The following BORA variants were observed in gnomAD, a reference collection of about 807,000 sequenced individuals.
BORA encodes the protein BORA aurora kinase A activator.
Under a neutral mutation model 55.8 loss-of-function variants are expected in BORA, and 26 were observed. That is an observed-to-expected ratio of 0.47 (90% CI 0.34 to 0.65). The LOEUF is 0.65. Ranked by LOEUF, BORA falls within the 30% of genes least tolerant of loss-of-function variation. The pLI is 0.01. For missense variants in BORA, 568 were observed against 671.5 expected (o/e 0.85, Z 1.70); for synonymous variants, 201 against 216.9 (o/e 0.93, Z 0.64).
At chr13:72,730,784 G>A (rs749661116) in intron 2 of BORA, among the ~76,000 whole-genome samples, 2 of 151,904 alleles carry the variant, frequency 1.3e-5, no homozygotes, top group African/African-American at 4.8e-5. Context: ...CAGGCTGGGC[G>A]CTGTGGCTCA....
chr13:72,751,591 A>G (rs1404864108), intron 10 of BORA, among the ~76,000 whole-genome samples: 1 of 152,144 alleles, frequency 6.6e-6, no homozygotes, highest in Non-Finnish European at 1.5e-5. Flanking sequence ...GAGGATGGGA[A>G]GGGTAGGGGG....
intron 5 of BORA, 28 bp downstream of exon 5, chr13:72,738,071 A>G (rs1417409550): frequency 6.6e-7 from 1 of 1,517,084 alleles, no homozygotes; most frequent in African/African-American, 1.4e-5. Context: ...GATATGAATA[A>G]AAATCAAAAA....
intron 8 of BORA, among the ~76,000 whole-genome samples, chr13:72,745,688 C>A (rs1481229151): frequency 2.6e-5 from 4 of 152,132 alleles, no homozygotes; most frequent in African/African-American, 9.7e-5. Context: ...AAATTTTTCA[C>A]AGATGGTTGC....
intron 5 of BORA, among the ~76,000 whole-genome samples, chr13:72,742,687 C>A (rs1031221175): frequency 6.6e-6 from 1 of 151,668 alleles, no homozygotes; most frequent in Non-Finnish European, 1.5e-5. Flanking sequence ...CATCGTTAAT[C>A]ACAACAGCCA....
chr13:72,734,857 A>T (rs1036333040), intron 3 of BORA, 103 bp from the exon 4 acceptor site: 1 of 783,716 alleles, frequency 1.3e-6, no homozygotes, highest in Admixed American at 3.0e-5. Flanking sequence ...AACATTTGCC[A>T]GTTTTCAATG....
At position 72,731,381 on chromosome 13, in the gene BORA, A is replaced by G. The variant is rs746733387; in HGVS notation, c.254A>G (p.His85Arg). The G allele has an allele frequency of 1.0e-5, 16 of 1,602,350 alleles. No individual in the cohort carries two copies. Among genetic ancestry groups the G allele is most frequent in the Middle Eastern group, 1.7e-4 (1 of 5,942 alleles). The change falls in exon 3 of 12, where the codon CAT becomes CGT. Residue 85 changes from histidine (H) to arginine (R), a missense_variant. Transcript: ENST00000390667. ...CATCGTCAAGCTTTATACTTAAGTC[A>G]TTCTCGGTAAGTTTTCCTTTCTTGC... is the stretch of plus-strand genomic sequence containing the variant. ...DIHRQALYLS[H>R]SRIDKDVEDK... is the part of the protein sequence containing the mutation.
At position 72,746,758 on chromosome 13, in the gene BORA, G is replaced by A. The variant is rs776450111; in HGVS notation, c.1129G>A (p.Ala377Thr). The A allele has an allele frequency of 1.1e-5, 18 of 1,613,990 alleles. No individual in the cohort carries two copies. The highest frequency in any genetic ancestry group is 6.7e-5 in the Admixed American group (4 of 59,986). Residue 377 changes from alanine to threonine, a missense_variant, in exon 10 of 12, where the codon GCC (alanine) becomes ACC (threonine). Physicochemically the swap from Ala to Thr is moderately conservative, Grantham distance 58. Coordinates refer to ENST00000390667, the MANE Select transcript of BORA (RefSeq NM_024808.5). Reference protein sequence around the residue: ...NIPSTDVSSPAMDAAGIHLRQ... With the variant: ...NIPSTDVSSPTMDAAGIHLRQ... ...TCCTTCCACAGATGTCTCATCACCC[G>A]CCATGGATGCTGCTGGAATACACCT... is the stretch of plus-strand genomic sequence containing the variant.
rs1269656842 is a variant in BORA at position 72,744,937 on chromosome 13, T to A, written c.512-44T>A. ...TTGAGTAACAGAAGTATAATTGCCC[T>A]TTAAAATGACTAGCTTTGCCTTTTC... On this transcript the variant is annotated intron_variant, in intron 7 of 11. Coordinates refer to ENST00000390667, the MANE Select transcript of BORA (RefSeq NM_024808.5). 2.6e-6 allele frequency: 4 copies of A among 1,567,608 alleles called. No homozygotes were observed. In the African/African-American group the frequency reaches 5.4e-5, roughly 21 times the overall value.
At chr13:72,754,539 G>A (rs1349101795) in intron 11 of BORA, 1 of 151,886 alleles carries the variant, frequency 6.6e-6, no homozygotes, top group Non-Finnish European at 1.5e-5. Flanking sequence ...TGTTTAATAG[G>A]GAGGCCACCT....
At chr13:72,741,951 T>C (rs1399426625) in intron 5 of BORA, among the ~76,000 whole-genome samples, 1 of 152,106 alleles carries the variant, frequency 6.6e-6, no homozygotes, top group African/African-American at 2.4e-5. Flanking sequence ...GCTAGAGAAA[T>C]AGACATGGTT....
intron 10 of BORA, chr13:72,752,154 G>A (rs2033293677): frequency 6.6e-6 from 1 of 152,178 alleles, no homozygotes; most frequent in Admixed American, 6.5e-5. Context: ...TATAAAGTTT[G>A]CAATTAGAAC....
intron 5 of BORA, among the ~76,000 whole-genome samples, chr13:72,740,198 A>AT (rs1189267830): frequency 6.6e-6 from 1 of 152,176 alleles, no homozygotes; most frequent in African/African-American, 2.4e-5. Context: ...AATTATAAGA[A>AT]TTCACTGCAC....
At position 72,745,013 on chromosome 13, in the gene BORA, C is replaced by T; in HGVS notation, c.544C>T (p.Gln182Ter). 6.2e-7 allele frequency: 1 copy of T among 1,614,014 alleles called. No homozygotes were observed. The highest frequency in any genetic ancestry group is 8.5e-7 in the Non-Finnish European group (1 of 1,179,942). ...DYFRADEFADQSPGNLSSSSL... is the reference protein window; with the variant it reads ...DYFRADEFAD ...TTTTAGAGCTGATGAATTTGCAGAT[C>T]AATCTCCTGGAAACCTCAGTTCTTC... is the stretch of plus-strand genomic sequence containing the variant. Residue 182 changes from glutamine (Q) to a stop codon, truncating the protein, a stop_gained, in exon 8 of 12, where the codon CAA becomes TAA. Coordinates refer to ENST00000390667, the MANE Select transcript of BORA (RefSeq NM_024808.5). LOFTEE classifies it high-confidence loss of function.
intron 5 of BORA, among the ~76,000 whole-genome samples, chr13:72,739,069 A>G (rs1317460029): frequency 1.3e-5 from 2 of 152,202 alleles, no homozygotes; most frequent in East Asian, 3.9e-4. Flanking sequence ...CCTTGATCAA[A>G]TTATTCTCTT....
Position 72,743,465 on chromosome 13 carries a change from C to T in BORA, c.389-72C>T, listed in dbSNP as rs2033077344. ...AAGTTTCCACTTTCTTAATTTTTTA[C>T]TTTGGAAAAAGTAATGCTAAAGCAA... is the stretch of plus-strand genomic sequence containing the variant. On this transcript the variant is annotated intron_variant, in intron 5 of 11. Transcript: ENST00000390667. 3 of 1,086,796 alleles carry T rather than the reference C, an allele frequency of 2.8e-6. No homozygotes were observed. The East Asian group carries it at 8.3e-5, about 30-fold the overall frequency. 67.3% of individuals were successfully genotyped at this position (1,086,796 alleles called of 1,614,324 possible). A position where few individuals can be genotyped will look rare whatever the true frequency, so the allele number is the denominator to read the frequency against.
chr13:72,728,527 A>G (rs760050033), intron 1 of BORA, among the ~76,000 whole-genome samples: 7 of 152,196 alleles, frequency 4.6e-5, no homozygotes, highest in Non-Finnish European at 1.0e-4. Context: ...GAATGTTCAT[A>G]GTGTTGAGAC....
At chr13:72,754,428 CCCT>C (rs1442023065) in intron 11 of BORA, 2 of 152,398 alleles carry the variant, frequency 1.3e-5, no homozygotes, top group Non-Finnish European at 2.9e-5. Context: ...TCCTGCCTCA[CCCT>C]CCTGAGTAGC....
Position 72,732,671 on chromosome 13 carries a change from C to T in BORA, c.260+1284C>T, listed in dbSNP as rs540599880. ...TAGCCTGGGGGACAGAGCAAGACTC[C>T]ATCTCAAAAAAATAAAATAAATAAA... On this transcript the variant is annotated intron_variant, in intron 3 of 11. Transcript: ENST00000390667. Among the ~76,000 whole-genome samples the T allele has an allele frequency of 1.5e-3, 231 of 151,980 alleles. 2 individuals are homozygous for T. The highest frequency in any genetic ancestry group is 5.1e-3 in the African/African-American group (210 of 41,426).
intron 1 of BORA, chr13:72,728,307 T>C (rs2032731158): frequency 1.6e-6 from 1 of 628,962 alleles, no homozygotes; most frequent in South Asian, 1.8e-5. Context: ...GCAGTCTCCC[T>C]TTCTATCCCG....
Sources: gnomAD v4.1 joint callset for allele counts (sites outside exome capture counted in the v4.1 genomes callset) on GRCh38, gnomAD v4.1.1 for gene constraint, MANE v1.5 for transcripts, NCBI Gene and HGNC (gene_info 2026-07-23, HGNC 2026-07-21) for gene names.